CTBP2: variants seen among roughly 807,000 people sequenced by gnomAD.
CTBP2 encodes the protein C-terminal binding protein 2, also known as C-terminal-binding protein 2.
In CTBP2, 30 loss-of-function variants were observed where a neutral mutation model predicts 80.3. The ratio of observed to expected loss-of-function variants is 0.37; its 90% CI spans 0.28 to 0.51. The LOEUF (loss-of-function observed/expected upper bound fraction) is 0.51. CTBP2 is among the 20% of genes least tolerant of loss of function. The pLI is 0.93. For synonymous variants in CTBP2, 594 were observed against 587.4 expected, an observed-to-expected ratio of 1.01 and a Z score of -0.16; for missense variants, 1,212 against 1,375.3, an observed-to-expected ratio of 0.88 and a Z score of 1.88.
At chr10:125,014,873 C>G (rs996854506) in intron 1 of CTBP2, among the ~76,000 whole-genome samples, 12 of 152,250 alleles carry the variant, frequency 7.9e-5, no homozygotes, top group African/African-American at 2.9e-4. Context: ...GGACGCCCTT[C>G]TGTCCTTTTC....
chr10:125,160,831 G>C (rs1338831494), upstream of CTBP2: 4 of 144,998 alleles, frequency 2.8e-5, no homozygotes, highest in African/African-American at 1.0e-4. Flanking sequence ...GCTCACCCCC[G>C]AGAGGATGCT....
intron 2 of CTBP2, among the ~76,000 whole-genome samples, chr10:125,095,473 A>G (rs563357780): frequency 5.3e-5 from 8 of 152,252 alleles, no homozygotes; most frequent in African/African-American, 1.7e-4. Flanking sequence ...CCACAGAAAA[A>G]GGGACGAAAT....
chr10:124,994,759 GCTGAGTCCGGGC>G lies in CTBP2; in HGVS notation c.2186-88_2186-77del. 4 of 1,448,530 alleles carry G rather than the reference GCTGAGTCCGGGC, an allele frequency of 2.8e-6. No individual in the cohort carries two copies. The South Asian group carries it at 4.7e-5, about 17-fold the overall frequency. The allele number at this position is 1,448,530 out of a possible 1,614,324, so 89.7% of individuals were successfully genotyped here. Reference sequence around the variant, plus strand: ...GCGCTGCCACCTCCATTGCTTCTGAGCTGAGTCCGGGCTTGGCATCCCCGCTGGTAGCTGCTG... The same window carrying G: ...GCGCTGCCACCTCCATTGCTTCTGAGTTGGCATCCCCGCTGGTAGCTGCTG... On this transcript the variant is annotated intron_variant, in intron 4 of 8. Transcript: ENST00000309035.
chr10:124,990,531 C>A (rs368889942), intron 8 of CTBP2, among the ~76,000 whole-genome samples: 1 of 152,292 alleles, frequency 6.6e-6, no homozygotes, highest in East Asian at 1.9e-4. Context: ...AATGTGGATA[C>A]ATTATACTAT....
At chr10:125,004,607 T>C (rs1017537246) in intron 1 of CTBP2, among the ~76,000 whole-genome samples, 1 of 152,112 alleles carries the variant, frequency 6.6e-6, no homozygotes, top group Non-Finnish European at 1.5e-5. Flanking sequence ...GAAGGGGCAA[T>C]GTCTCTTGTC....
At chr10:124,989,774 C>G (rs752440447) in intron 8 of CTBP2, 76 bp from the exon 11 acceptor site, 49 of 1,397,310 alleles carry the variant, frequency 3.5e-5, no homozygotes, top group African/African-American at 4.4e-5. Context: ...TACTTCTGGC[C>G]TTTTCATAAG....
At chr10:125,159,539 G>A (rs1861579035) in intron 1 of CTBP2, among the ~76,000 whole-genome samples, 4 of 149,476 alleles carry the variant, frequency 2.7e-5, no homozygotes, top group African/African-American at 7.3e-5. Context: ...CTGCCCGGAG[G>A]AGCCAACAAT....
chr10:125,122,274 T>G (rs539646048), intron 1 of CTBP2, among the ~76,000 whole-genome samples: 1 of 152,238 alleles, frequency 6.6e-6, no homozygotes, highest in Non-Finnish European at 1.5e-5. Flanking sequence ...TTCATGAGGG[T>G]AGCAATTCAC....
At chr10:125,155,040 G>C (rs1040741582) in intron 1 of CTBP2, among the ~76,000 whole-genome samples, 1 of 152,268 alleles carries the variant, frequency 6.6e-6, no homozygotes, top group South Asian at 2.1e-4. Flanking sequence ...ATCACATTTC[G>C]AGGGGGTAGA....
chr10:124,992,308 C>T (rs1371846313), intron 8 of CTBP2, among the ~76,000 whole-genome samples: 1 of 147,756 alleles, frequency 6.8e-6, no homozygotes, highest in African/African-American at 2.5e-5. Flanking sequence ...GATCTCGGCT[C>T]ACTGCAATCT....
At chr10:125,155,889 C>T (rs184667636) in intron 1 of CTBP2, among the ~76,000 whole-genome samples, 4 of 152,188 alleles carry the variant, frequency 2.6e-5, no homozygotes, top group Admixed American at 2.0e-4. Flanking sequence ...TCTGCCAGGC[C>T]GCACAGTCTC....
chr10:125,112,864 T>A (rs1039259870), intron 1 of CTBP2, among the ~76,000 whole-genome samples: 1 of 152,198 alleles, frequency 6.6e-6, no homozygotes, highest in African/African-American at 2.4e-5. Context: ...TTTTCCTGCA[T>A]GATTATGTAG....
At position 124,989,982 on chromosome 10, in the gene CTBP2, C is replaced by G. The variant is rs1202726705; in HGVS notation, c.2778-284G>C. Among the ~76,000 whole-genome samples, 6 of 151,682 alleles carry G rather than the reference C, an allele frequency of 4.0e-5. No homozygotes were observed. In the East Asian group the frequency reaches 9.6e-4, roughly 24 times the overall value. ...CAAACTCTTGAGCTCAAGTGATGCC[C>G]CATCATAGGCCTCCCAGAGTCCTGG... On this transcript the variant is annotated intron_variant, in intron 8 of 8. Coordinates refer to ENST00000309035, the MANE Select transcript of CTBP2 (RefSeq NM_022802.3).
chr10:124,998,155 T>C lies in CTBP2; in HGVS notation c.1994A>G (p.Asn665Ser), dbSNP rs75044667. 1.2e-6 allele frequency: 2 copies of C among 1,607,672 alleles called. No homozygotes were observed. Among genetic ancestry groups the C allele is most frequent in the African/African-American group, 1.3e-5 (1 of 75,024 alleles). Residue 665 changes from asparagine (N) to serine (S), a missense_variant, in exon 4 of 9, where the codon AAC becomes AGC. By Grantham distance (46) the Asn-to-Ser change is conservative. This residue lies in a region of CTBP2 where 335 missense variants were observed against 504.7 expected (regional missense o/e 0.66). Coordinates refer to ENST00000309035, the MANE Select transcript of CTBP2 (RefSeq NM_022802.3). ...CTCTTCCACGGCTGCAGACGGGATG[T>C]TGCACACGGCAATTCCTGAAAGGGA...
intron 1 of CTBP2, chr10:125,005,401 T>A: frequency 1.3e-6 from 1 of 743,464 alleles, no homozygotes; most frequent in Non-Finnish European, 2.2e-6. Context: ...GTGCACCCAG[T>A]CACTCCTGCT....
chr10:125,088,471 C>A (rs1001768096), intron 2 of CTBP2, among the ~76,000 whole-genome samples: 12 of 152,150 alleles, frequency 7.9e-5, no homozygotes, highest in Non-Finnish European at 2.9e-5. Flanking sequence ...ACTTCTAATA[C>A]CCGCCATGCA....
At chr10:124,993,373 T>A in intron 6 of CTBP2, 44 bp from the exon 9 acceptor site, 2 of 1,584,658 alleles carry the variant, frequency 1.3e-6, no homozygotes, top group Non-Finnish European at 1.7e-6. Context: ...AAATGTCGCA[T>A]ACGCTCCCTG....
rs1167729034 is a variant in CTBP2 at position 125,003,599 on chromosome 10, G to C, written c.1679-107C>G. 4 of 899,966 alleles carry C rather than the reference G, an allele frequency of 4.4e-6. No individual in the cohort carries two copies. The African/African-American group carries it at 5.2e-5, about 12-fold the overall frequency. 55.7% of individuals were successfully genotyped at this position (899,966 alleles called of 1,614,324 possible). ...CTCAGGGCAGGGCTTGGGCAAGCGA[G>C]GGTGGCGGAGCAGCGAGGGCACCGC... On this transcript the variant is annotated intron_variant, in intron 1 of 8. Coordinates refer to ENST00000309035, the MANE Select transcript of CTBP2 (RefSeq NM_022802.3).
intron 1 of CTBP2, among the ~76,000 whole-genome samples, chr10:125,158,081 A>C (rs1861251983): frequency 6.6e-6 from 1 of 152,194 alleles, no homozygotes; most frequent in Non-Finnish European, 1.5e-5. Context: ...TGCTGTAAGA[A>C]GTATCCTTTG....
Sources: gnomAD v4.1 joint callset for allele counts (sites outside exome capture counted in the v4.1 genomes callset) on GRCh38, gnomAD v4.1.1 for gene constraint, gnomAD v4.1.1 regional missense constraint, MANE v1.5 for transcripts, NCBI Gene and HGNC (gene_info 2026-07-23, HGNC 2026-07-21) for gene names.